Variants in STARD9 observed in about 807,000 individuals in gnomAD.
The protein encoded by STARD9 is StAR related lipid transfer domain containing 9.
A neutral mutation model predicts 399.8 loss-of-function variants in STARD9; 346 were observed. The observed-to-expected ratio is 0.87, with a 90% CI of 0.79 to 0.95. The LOEUF is 0.95. Among genes scored for constraint, STARD9 ranks in the 40% least tolerant of loss-of-function variants. The pLI is 0.00. For missense variants in STARD9, 5,832 were observed against 5,667.5 expected, an observed-to-expected ratio of 1.03 and a Z score of -0.93; for synonymous variants, 2,203 against 2,143.5, an observed-to-expected ratio of 1.03 and a Z score of -0.77.
chr15:42,603,215 C>T (rs1222260285), intron 3 of STARD9, among the ~76,000 whole-genome samples: 1 of 152,046 alleles, frequency 6.6e-6, no homozygotes, highest in Non-Finnish European at 1.5e-5. Flanking sequence ...GCTCTGTTGC[C>T]TAGGCTGGAG....
rs1305342529 is a variant in STARD9, at chr15:42,690,377, C to T, written c.8799C>T (p.Asn2933=). ...EALDGPVFSR[N]PEGSRTLSPS... ...TAGATGGCCCTGTCTTCTCAAGGAA[C>T]CCTGAAGGCAGCAGGACTCTCAGCC... Residue 2933 remains asparagine, a synonymous_variant, in exon 23 of 33, where the codon AAC becomes AAT. Transcript: ENST00000290607. 7.2e-6 allele frequency: 11 copies of T among 1,537,128 alleles called. No individual in the cohort carries two copies. The highest frequency in any genetic ancestry group is 5.5e-5 in the African/African-American group (4 of 73,020).
At chr15:42,705,936 A>G (rs1245058316) in intron 26 of STARD9, among the ~76,000 whole-genome samples, 2 of 151,758 alleles carry the variant, frequency 1.3e-5, no homozygotes, top group Non-Finnish European at 2.9e-5. Flanking sequence ...TGTTTTTAGT[A>G]GAGATGGGGT....
rs1566970092 is a variant in STARD9 at position 42,717,002 on chromosome 15, C to T, written c.13448C>T (p.Ser4483Phe). ...AGCTTGGGGACCTGCTTTTCCTCCT[C>T]CTACCAGGATTTGGCCAAGCATGTC... Reference protein sequence around the residue: ...LSSLGTCFSSSYQDLAKHVVD... With the variant: ...LSSLGTCFSSFYQDLAKHVVD... Residue 4483 changes from serine (S) to phenylalanine (F), a missense_variant, in exon 28 of 33, where the codon TCC (serine) becomes TTC (phenylalanine). Physicochemically the swap from Ser to Phe is radical, Grantham distance 155. Around this residue, in one of 2 missense-constraint regions of STARD9, gnomAD observed 5,828 missense variants for 5,651.1 expected, o/e 1.03. Transcript: ENST00000290607. 2 of 1,537,256 alleles carry T rather than the reference C, an allele frequency of 1.3e-6. No homozygotes were observed.
At position 42,719,037 on chromosome 15, in the gene STARD9, T is replaced by C; in HGVS notation, c.14001+127T>C. 5.1e-6 allele frequency: 4 copies of C among 790,212 alleles called. No homozygotes were observed. The South Asian group carries it at 7.2e-5, about 14-fold the overall frequency. 49.0% of individuals were successfully genotyped at this position (790,212 alleles called of 1,614,324 possible). On this transcript the variant is annotated intron_variant, in intron 32 of 32. Transcript: ENST00000290607. Reference sequence around the variant, plus strand: ...GCCCTTTGGCCTGAGACCTGGAGACTTGAGGGCTTCCTGGGCTTTTGCAGT... The same window carrying C: ...GCCCTTTGGCCTGAGACCTGGAGACCTGAGGGCTTCCTGGGCTTTTGCAGT...
chr15:42,671,115 T>C (rs982575964), intron 16 of STARD9: 1 of 148,208 alleles, frequency 6.7e-6, no homozygotes, highest in Admixed American at 6.7e-5. Flanking sequence ...CATCTGAAGA[T>C]AGGATTGCTG....
At chr15:42,635,701 G>A (rs2059406378) in intron 4 of STARD9, among the ~76,000 whole-genome samples, 1 of 152,180 alleles carries the variant, frequency 6.6e-6, no homozygotes, top group Non-Finnish European at 1.5e-5. Context: ...GTTCTTGTCA[G>A]TCCTGCTGAA....
At position 42,687,618 on chromosome 15, in the gene STARD9, G is replaced by A. The variant is rs549625294; in HGVS notation, c.6040G>A (p.Glu2014Lys). The part of the protein sequence containing the change: ...ERFQLVACPQ[E>K]RNPSECKSQE... ...GTTCCAGTTAGTTGCATGCCCTCAG[G>A]AAAGAAACCCCAGTGAATGCAAGTC... Residue 2014 changes from glutamate to lysine, a missense_variant, in exon 23 of 33, where the codon GAA becomes AAA. Around this residue, in one of 2 missense-constraint regions of STARD9, gnomAD observed 5,828 missense variants for 5,651.1 expected, o/e 1.03. Coordinates refer to ENST00000290607, the MANE Select transcript of STARD9 (RefSeq NM_020759.3). The A allele has an allele frequency of 5.2e-6, 8 of 1,537,062 alleles. No individual in the cohort carries two copies. In the African/African-American group the frequency reaches 5.5e-5, roughly 11 times the overall value.
At chr15:42,576,239 A>G (rs1293770240) in intron 1 of STARD9, among the ~76,000 whole-genome samples, 3 of 152,180 alleles carry the variant, frequency 2.0e-5, no homozygotes, top group Admixed American at 1.3e-4. Flanking sequence ...AGGCCGACAC[A>G]GGTCGCGGTT....
intron 1 of STARD9, among the ~76,000 whole-genome samples, chr15:42,582,593 G>C (rs1358988160): frequency 6.6e-6 from 1 of 152,204 alleles, no homozygotes; most frequent in East Asian, 1.9e-4. Context: ...TCTCAGCAGA[G>C]AGGATTCCAA....
intron 3 of STARD9, among the ~76,000 whole-genome samples, chr15:42,624,305 A>G (rs1012409485): frequency 6.6e-6 from 1 of 152,130 alleles, no homozygotes; most frequent in Non-Finnish European, 1.5e-5. Flanking sequence ...TAAGTTGTCT[A>G]AGCATAAACA....
chr15:42,665,436 G>A (rs2060079047), intron 14 of STARD9, 106 bp downstream of exon 14: 12 of 893,204 alleles, frequency 1.3e-5, no homozygotes, highest in Non-Finnish European at 1.9e-5. Flanking sequence ...GTTCTCAATT[G>A]ACTCTCTTAC....
chr15:42,678,269 C>A (rs1057039067), intron 20 of STARD9, among the ~76,000 whole-genome samples: 2 of 152,178 alleles, frequency 1.3e-5, no homozygotes, highest in African/African-American at 2.4e-5. Context: ...TGTGTGTCTA[C>A]GAGTCTCTCC....
rs771273806 is a variant in STARD9, at chr15:42,694,251, G to A, written c.12673G>A (p.Asp4225Asn). The stretch of plus-strand genomic sequence containing the variant: ...ACTGCACCATGGCTTTGGGGAGGCC[G>A]ATGCCCTGCTCCAGGTGCTGCAGAG... ...AKLHHGFGEA[D>N]ALLQVLQSGT... is the part of the protein sequence containing the mutation. Residue 4225 changes from aspartate to asparagine, a missense_variant, in exon 23 of 33, where the codon GAT (aspartate) becomes AAT (asparagine). This residue lies in a region of STARD9 where 5,828 missense variants were observed against 5,651.1 expected (regional missense o/e 1.03). Transcript: ENST00000290607. The A allele has an allele frequency of 2.2e-4, 332 of 1,529,838 alleles. No individual in the cohort carries two copies. Among genetic ancestry groups the A allele is most frequent in the Non-Finnish European group, 2.8e-4 (318 of 1,143,240 alleles). 94.8% of individuals were successfully genotyped at this position (1,529,838 alleles called of 1,614,324 possible). A position where few individuals can be genotyped will look rare whatever the true frequency, so the allele number is the denominator to read the frequency against.
chr15:42,707,391 G>T (rs542023441), intron 26 of STARD9, among the ~76,000 whole-genome samples: 1 of 152,098 alleles, frequency 6.6e-6, no homozygotes, highest in African/African-American at 2.4e-5. Flanking sequence ...TGTGGTAGTT[G>T]CACACATGAA....
intron 3 of STARD9, among the ~76,000 whole-genome samples, chr15:42,589,000 A>C (rs2058342810): frequency 6.6e-6 from 1 of 151,504 alleles, no homozygotes; most frequent in African/African-American, 2.4e-5. Context: ...TTTTTAGTAG[A>C]GACAGGGTTT....
At chr15:42,637,751 T>A (rs1247501537) in intron 4 of STARD9, among the ~76,000 whole-genome samples, 156 bp from the exon 5 acceptor site, 3 of 152,162 alleles carry the variant, frequency 2.0e-5, no homozygotes, top group African/African-American at 7.2e-5. Flanking sequence ...CACATAAAAG[T>A]CTTCTATATT....
At chr15:42,591,003 C>G (rs1020037890) in intron 3 of STARD9, among the ~76,000 whole-genome samples, 1 of 152,194 alleles carries the variant, frequency 6.6e-6, no homozygotes, top group Admixed American at 6.5e-5. Flanking sequence ...GTCATAGCCT[C>G]TTAGTATGTT....
At chr15:42,647,102 TATA>T (rs1262629179) in intron 7 of STARD9, among the ~76,000 whole-genome samples, 1 of 152,216 alleles carries the variant, frequency 6.6e-6, no homozygotes, top group Admixed American at 6.5e-5. Context: ...TCATAACAGA[TATA>T]ATAATAATGA....
chr15:42,608,439 A>T (rs547134169), intron 3 of STARD9, among the ~76,000 whole-genome samples: 2 of 152,326 alleles, frequency 1.3e-5, no homozygotes, highest in East Asian at 3.9e-4. Context: ...GAATTGTCTC[A>T]GAGGCTCAGC....
Sources: gnomAD v4.1 joint callset for allele counts (sites outside exome capture counted in the v4.1 genomes callset) on GRCh38, gnomAD v4.1.1 for gene constraint, gnomAD v4.1.1 regional missense constraint, MANE v1.5 for transcripts, NCBI Gene and HGNC (gene_info 2026-07-23, HGNC 2026-07-21) for gene names.